The following ANKLE2 variants were observed in gnomAD, a reference collection of about 807,000 sequenced individuals.
ANKLE2 encodes ankyrin repeat and LEM domain containing 2, also known as ankyrin repeat and LEM domain-containing protein 2.
A neutral mutation model predicts 84.2 loss-of-function variants in ANKLE2; 55 were observed. The ratio of observed to expected loss-of-function variants is 0.65; its 90% CI spans 0.53 to 0.82. The LOEUF (loss-of-function observed/expected upper bound fraction) is 0.82, where lower values mean the gene tolerates loss of function less well. ANKLE2 is among the 40% of genes least tolerant of loss of function. The pLI, the probability that ANKLE2 is intolerant of heterozygous loss-of-function variation, is 0.00. For synonymous variants in ANKLE2, 551 were observed against 486.1 expected (o/e 1.13, Z -1.76); for missense variants, 1,238 against 1,201.9 (o/e 1.03, Z -0.44).
chr12:132,758,856 A>G (rs926667961), intron 1 of ANKLE2: 1 of 152,038 alleles, frequency 6.6e-6, no homozygotes, highest in East Asian at 1.9e-4. Flanking sequence ...TTTCCTATTC[A>G]GCATAATGCC....
chr12:132,734,304 G>A, intron 10 of ANKLE2, 81 bp downstream of exon 10: 1 of 1,441,822 alleles, frequency 6.9e-7, no homozygotes, highest in East Asian at 2.3e-5. Flanking sequence ...CAAGAGACGA[G>A]AAACAGATGT....
chr12:132,726,201 C>A lies in ANKLE2; in HGVS notation c.*1041G>T, dbSNP rs891565571. ...CCGTAACACCCAGGAAGAAACCGAC[C>A]TCCAGGCAGCACCTCCTGAACACCT... On this transcript the variant is annotated 3_prime_UTR_variant, in exon 13 of 13. Coordinates refer to ENST00000357997, the MANE Select transcript of ANKLE2 (RefSeq NM_015114.3). 1.3e-5 allele frequency: 2 copies of A among 153,584 alleles called. No homozygotes were observed. The highest frequency in any genetic ancestry group is 6.5e-5 in the Admixed American group (1 of 15,280). 9.5% of individuals were successfully genotyped at this position (153,584 alleles called of 1,614,324 possible). A position where few individuals can be genotyped will look rare whatever the true frequency, so the allele number is the denominator to read the frequency against.
chr12:132,733,082 C>A (rs866829135), intron 10 of ANKLE2, among the ~76,000 whole-genome samples: 1 of 85,342 alleles, frequency 1.2e-5, no homozygotes, highest in East Asian at 3.8e-4. Flanking sequence ...GTGTCTGATA[C>A]GCACCGTGTG....
chr12:132,735,586 C>A, intron 8 of ANKLE2, 74 bp from the exon 9 acceptor site: 1 of 1,241,274 alleles, frequency 8.1e-7, no homozygotes, highest in Non-Finnish European at 1.1e-6. Flanking sequence ...GAAGAGCCGT[C>A]GTCATCGCAG....
intron 5 of ANKLE2, among the ~76,000 whole-genome samples, chr12:132,744,425 G>A (rs1344238016): frequency 6.6e-6 from 1 of 152,104 alleles, no homozygotes; most frequent in Non-Finnish European, 1.5e-5. Context: ...CTTCTGCACA[G>A]GGAAGAAAAA....
At chr12:132,751,577 C>T (rs2044358248) in intron 2 of ANKLE2, among the ~76,000 whole-genome samples, 1 of 150,674 alleles carries the variant, frequency 6.6e-6, no homozygotes, top group South Asian at 2.1e-4. Context: ...GAGTCTCACT[C>T]AGCTGCCGAG....
At chr12:132,736,493 C>T (rs968008954) in intron 8 of ANKLE2, among the ~76,000 whole-genome samples, 2 of 152,340 alleles carry the variant, frequency 1.3e-5, no homozygotes, top group South Asian at 4.1e-4. Flanking sequence ...GCTGCAGCCA[C>T]AGGGAAACGT....
At position 132,743,628 on chromosome 12, in the gene ANKLE2, T is replaced by C. The variant is rs2044176283; in HGVS notation, c.1231-352A>G. On this transcript the variant is annotated intron_variant, in intron 5 of 12. Transcript: ENST00000357997. This position sits in a 1 kb window ranked among gnomAD's most constrained non-coding sequence, Gnocchi z 4.1. ...CCTCCCAAAGTGCTGGGATTACAGGTGTGAGTCACCGAGCCTGGCTTATAC... is the reference window on the plus strand; with the variant it reads ...CCTCCCAAAGTGCTGGGATTACAGGCGTGAGTCACCGAGCCTGGCTTATAC... Among the ~76,000 whole-genome samples the C allele has an allele frequency of 6.6e-6, 1 of 150,676 alleles. No individual in the cohort carries two copies. Among genetic ancestry groups the C allele is most frequent in the Non-Finnish European group, 1.5e-5 (1 of 67,770 alleles).
At chr12:132,741,802 T>G in intron 6 of ANKLE2, 1 of 499,660 alleles carries the variant, frequency 2.0e-6, no homozygotes, top group South Asian at 1.5e-5. Context: ...GTGAACATGT[T>G]TCTAACCTTC....
chr12:132,740,240 T>C (rs1023536068), intron 7 of ANKLE2, among the ~76,000 whole-genome samples: 2 of 152,232 alleles, frequency 1.3e-5, no homozygotes, highest in African/African-American at 4.8e-5. Flanking sequence ...GCAGGATTCA[T>C]TTCCTGTGCA....
chr12:132,754,925 G>A lies in ANKLE2; in HGVS notation c.390C>T (p.Leu130=), dbSNP rs778618771. The change falls in exon 2 of 13, where the codon CTC becomes CTT. Residue 130 remains leucine, a synonymous_variant. Transcript: ENST00000357997. ...TCAAAATCCTTTGTGGGTCCTGGCT[G>A]AGAGCTGTGACACCTGCCTCATGGT... is the stretch of plus-strand genomic sequence containing the variant. ...FYHHEAGVTA[L]SQDPQRILKP... 6.2e-7 allele frequency: 1 copy of A among 1,614,086 alleles called. No individual in the cohort carries two copies. Among genetic ancestry groups the A allele is most frequent in the Non-Finnish European group, 8.5e-7 (1 of 1,180,044 alleles).
rs748808201 is a variant in ANKLE2 at position 132,729,721 on chromosome 12, A to G, written c.2441T>C (p.Leu814Pro). 1.9e-6 allele frequency: 3 copies of G among 1,609,760 alleles called. No individual in the cohort carries two copies. Among genetic ancestry groups the G allele is most frequent in the South Asian group, 2.2e-5 (2 of 90,932 alleles). The part of the protein sequence containing the change: ...SPSSPRHEDQ[L>P]EVTREPARRL... ...CCTGGCCGGTTCCCTGGTGACCTCG[A>G]GCTGATCCTCGTGCCTGGGGCTGCT... Residue 814 changes from leucine to proline, a missense_variant, in exon 11 of 13, where the codon CTC becomes CCC. Around this residue, in one of 3 missense-constraint regions of ANKLE2, gnomAD observed 802 missense variants for 774.5 expected, o/e 1.04. Transcript: ENST00000357997.
At chr12:132,748,104 C>G (rs771779426) in intron 4 of ANKLE2, 34 bp downstream of exon 4, 2 of 1,609,170 alleles carry the variant, frequency 1.2e-6, no homozygotes, top group East Asian at 4.5e-5. Flanking sequence ...CGGCCGGGAC[C>G]GCACACCTGC....
chr12:132,750,690 A>T lies in ANKLE2; in HGVS notation c.800T>A (p.Leu267Gln). 1 of 1,614,258 alleles carries T rather than the reference A, an allele frequency of 6.2e-7. No homozygotes were observed. The highest frequency in any genetic ancestry group is 8.5e-7 in the Non-Finnish European group (1 of 1,180,052). ...FPSPSKTSLP[L>Q]SPVKTAPLFS... ...GAGTGGAGCTGTTTTCACAGGAGAC[A>T]GTGGTAAGGACGTTTTGCTTGGAGA... Residue 267 changes from leucine to glutamine, a missense_variant, in exon 3 of 13, where the codon CTG becomes CAG. Physicochemically the swap from Leu to Gln is moderately radical, Grantham distance 113. Coordinates refer to ENST00000357997, the MANE Select transcript of ANKLE2 (RefSeq NM_015114.3).
At chr12:132,734,181 G>A (rs2043956991) in intron 10 of ANKLE2, 4 of 614,122 alleles carry the variant, frequency 6.5e-6, no homozygotes, top group Non-Finnish European at 1.1e-5. Flanking sequence ...GGAGGTGGAG[G>A]TTGCAGTGAG....
intron 1 of ANKLE2, 82 bp from the exon 2 acceptor site, chr12:132,755,215 T>A (rs2044454299): frequency 6.4e-6 from 8 of 1,256,120 alleles, no homozygotes; most frequent in Non-Finnish European, 8.8e-6. Flanking sequence ...GGGTTCATTA[T>A]ATAATGGCAT....
intron 3 of ANKLE2, among the ~76,000 whole-genome samples, chr12:132,748,651 C>G (rs1204828018): frequency 3.3e-5 from 5 of 152,138 alleles, no homozygotes; most frequent in Non-Finnish European, 5.9e-5. Flanking sequence ...CCAGACCCTG[C>G]CACAATCTTG....
intron 1 of ANKLE2, chr12:132,761,237 C>G (rs1462435018): frequency 5.7e-6 from 1 of 176,272 alleles, no homozygotes; most frequent in African/African-American, 2.4e-5. Flanking sequence ...ACGTTCCAAA[C>G]ACATCCGGGA....
At chr12:132,741,621 A>C (rs1323520680) in intron 6 of ANKLE2, 136 bp from the exon 7 acceptor site, 1 of 851,354 alleles carries the variant, frequency 1.2e-6, no homozygotes, top group African/African-American at 1.7e-5. Context: ...TAAAGCTCAC[A>C]CTCAGAAAAC....
Sources: allele counts gnomAD v4.1 joint callset (sites outside exome capture counted in the v4.1 genomes callset), GRCh38; gene constraint gnomAD v4.1.1; regional missense constraint gnomAD v4.1.1; non-coding constraint Gnocchi (gnomAD v3.1); transcripts MANE v1.5; gene names NCBI Gene and HGNC (gene_info 2026-07-23, HGNC 2026-07-21).